The following DPP6 variants were observed in gnomAD, a reference collection of about 807,000 sequenced individuals.
DPP6 encodes the protein dipeptidyl peptidase like 6, also known as A-type potassium channel modulatory protein DPP6.
In DPP6, 69 loss-of-function variants were observed where a neutral mutation model predicts 122.6. That is an observed-to-expected ratio of 0.56 (90% CI 0.46 to 0.69). The LOEUF is 0.69. Among genes scored for constraint, DPP6 ranks in the 30% least tolerant of loss-of-function variants. DPP6 has a pLI of 0.00. For missense variants in DPP6, 928 were observed against 1,116.9 expected (o/e 0.83, Z 2.41); for synonymous variants, 418 against 433.1 (o/e 0.97, Z 0.43).
rs149114790 is a variant in DPP6 at position 154,762,638 on chromosome 7, G to A, written c.884-6779G>A. The stretch of plus-strand genomic sequence containing the variant: ...TGGGAAAGACCACAAAATAGTAACC[G>A]GCAGGGCTCAGTAGACCCGGAAGCT... On this transcript the variant is annotated intron_variant, in intron 8 of 25. Transcript: ENST00000377770. 2.9e-3 allele frequency among the ~76,000 whole-genome samples: 446 copies of A among 152,274 alleles called. 2 individuals are homozygous for A. The highest frequency in any genetic ancestry group is 9.8e-3 in the African/African-American group (408 of 41,552).
intron 1 of DPP6, among the ~76,000 whole-genome samples, chr7:154,321,172 GA>G (rs1228884742): frequency 6.6e-6 from 1 of 152,020 alleles, no homozygotes; most frequent in Admixed American, 6.6e-5. Flanking sequence ...AGCTACTCAA[GA>G]GGCTGAGGTG....
intron 7 of DPP6, among the ~76,000 whole-genome samples, chr7:154,714,471 G>C (rs578000433): frequency 1.2e-4 from 19 of 152,192 alleles, no homozygotes; most frequent in Non-Finnish European, 2.4e-4. Flanking sequence ...TGCATGGCTA[G>C]GGAGGCCTCA....
At chr7:154,498,336 T>C (rs746834616) in intron 3 of DPP6, among the ~76,000 whole-genome samples, 14 of 152,166 alleles carry the variant, frequency 9.2e-5, no homozygotes, top group Non-Finnish European at 1.6e-4. Flanking sequence ...CATCTTTTTA[T>C]TATTTTTTAT....
chr7:154,500,905 C>T (rs1379318103), intron 3 of DPP6, among the ~76,000 whole-genome samples: 1 of 152,152 alleles, frequency 6.6e-6, no homozygotes, highest in East Asian at 1.9e-4. Context: ...TTTGGAACTT[C>T]CTAGAGACTT....
intron 7 of DPP6, among the ~76,000 whole-genome samples, chr7:154,707,934 T>C (rs1258622187): frequency 6.6e-6 from 1 of 152,150 alleles, no homozygotes; most frequent in East Asian, 1.9e-4. Context: ...AAGATGAGAT[T>C]TGGGTAGGGA....
At position 153,971,677 on chromosome 7, in the gene DPP6, G is replaced by A. The variant is rs568391895; in HGVS notation, c.51+83943G>A. The stretch of plus-strand genomic sequence containing the variant: ...TTGCATGCGTTCTATGAATTTTGAC[G>A]TGTGATTATTTAGTGTTTGTTCATT... On this transcript the variant is annotated intron_variant, in intron 1 of 25. Transcript: ENST00000404039. 2.4e-3 allele frequency among the ~76,000 whole-genome samples: 332 copies of A among 140,452 alleles called. 7 individuals are homozygous for A. Among genetic ancestry groups the A allele is most frequent in the African/African-American group, 8.1e-3 (309 of 38,368 alleles). The allele number at this position is 140,452 out of a possible 152,430, so 92.1% of individuals were successfully genotyped here.
chr7:153,893,623 AC>A (rs1799295406), intron 1 of DPP6, among the ~76,000 whole-genome samples: 1 of 152,318 alleles, frequency 6.6e-6, no homozygotes, highest in Admixed American at 6.5e-5. Flanking sequence ...ACAAATGGAA[AC>A]TTAGGCTCAG....
chr7:154,502,622 A>G (rs1380536899), intron 3 of DPP6, among the ~76,000 whole-genome samples: 1 of 152,162 alleles, frequency 6.6e-6, no homozygotes, highest in Non-Finnish European at 1.5e-5. Flanking sequence ...GCCACATGGA[A>G]CTGTAAGTCC....
chr7:154,002,124 T>C (rs1482729553), intron 1 of DPP6, among the ~76,000 whole-genome samples: 1 of 152,220 alleles, frequency 6.6e-6, no homozygotes, highest in Non-Finnish European at 1.5e-5. Context: ...GACAAAAACA[T>C]GCAGTTTAAG....
intron 5 of DPP6, among the ~76,000 whole-genome samples, chr7:154,590,058 G>A (rs1832710324): frequency 6.6e-6 from 1 of 152,170 alleles, no homozygotes; most frequent in African/African-American, 2.4e-5. Flanking sequence ...ACCAAGCAAG[G>A]TCGTATTTTC....
At chr7:153,797,344 C>T in the DPP6 span, among the ~76,000 whole-genome samples, 9 of 151,586 alleles carry the variant, frequency 5.9e-5, no homozygotes, top group African/African-American at 1.2e-4. Context: ...AAGAAGAAAA[C>T]GGGGAAAGTA....
intron 1 of DPP6, among the ~76,000 whole-genome samples, chr7:153,943,326 A>T (rs1033897391): frequency 6.6e-6 from 1 of 152,208 alleles, no homozygotes. Flanking sequence ...TTTGTAATCA[A>T]CAAAATGTAT....
At chr7:154,412,765 G>A (rs1027045815) in intron 1 of DPP6, among the ~76,000 whole-genome samples, 2 of 151,944 alleles carry the variant, frequency 1.3e-5, no homozygotes, top group Non-Finnish European at 2.9e-5. Flanking sequence ...CATCTCACTC[G>A]ACGACCTCAC....
the DPP6 span, among the ~76,000 whole-genome samples, chr7:153,818,361 A>G: frequency 6.6e-6 from 1 of 152,122 alleles, no homozygotes; most frequent in South Asian, 2.1e-4. Context: ...TAGATATAGA[A>G]TTCATTTACA....
chr7:153,829,125 G>A, the DPP6 span, among the ~76,000 whole-genome samples: 1 of 152,164 alleles, frequency 6.6e-6, no homozygotes, highest in Non-Finnish European at 1.5e-5. Context: ...CAATTTGGGA[G>A]GCAAGAACCT....
In DPP6 at chr7:154,833,277, A is replaced by G. The variant is rs1045129889; in HGVS notation, c.1667-20503A>G. Among the ~76,000 whole-genome samples, 1 of 152,210 alleles carries G rather than the reference A, an allele frequency of 6.6e-6. No homozygotes were observed. The highest frequency in any genetic ancestry group is 2.4e-5 in the African/African-American group (1 of 41,446). On this transcript the variant is annotated intron_variant, in intron 16 of 25. Coordinates refer to ENST00000377770, the MANE Select transcript of DPP6 (RefSeq NM_130797.4). The surrounding 1 kb of genome is among the most constrained non-coding windows in gnomAD (Gnocchi z 4.3). The stretch of plus-strand genomic sequence containing the variant: ...AGGCACACACAGCCAGCAGGAGGAC[A>G]GTCAAAGGCAGAGGATGGGATGGCA...
intron 16 of DPP6, among the ~76,000 whole-genome samples, chr7:154,850,821 T>A (rs911350767): frequency 3.9e-5 from 6 of 152,230 alleles, no homozygotes; most frequent in African/African-American, 1.4e-4. Context: ...TTTATTTGCA[T>A]CTTCTCTCTT....
intron 6 of DPP6, among the ~76,000 whole-genome samples, chr7:154,644,833 T>G (rs534675309): frequency 6.6e-6 from 1 of 151,590 alleles, no homozygotes; most frequent in South Asian, 2.1e-4. Flanking sequence ...CGCAGCCTCC[T>G]GAGTAGGTGT....
chr7:154,340,023 A>G (rs1809787147), intron 1 of DPP6, among the ~76,000 whole-genome samples: 1 of 152,144 alleles, frequency 6.6e-6, no homozygotes, highest in African/African-American at 2.4e-5. Flanking sequence ...CAGTGAGCCA[A>G]GATTGCGCCA....
Sources: allele counts gnomAD v4.1 joint callset (sites outside exome capture counted in the v4.1 genomes callset), GRCh38; gene constraint gnomAD v4.1.1; non-coding constraint Gnocchi (gnomAD v3.1); transcripts MANE v1.5; gene names NCBI Gene and HGNC (gene_info 2026-07-23, HGNC 2026-07-21).